LAMB4: variants seen among roughly 807,000 people sequenced by gnomAD.
LAMB4 encodes the protein laminin subunit beta 4.
Under a neutral mutation model 199.2 loss-of-function variants are expected in LAMB4, and 196 were observed. The observed-to-expected ratio is 0.98, with a 90% CI of 0.88 to 1.11. The LOEUF is 1.11. LAMB4 is among the 50% of genes least tolerant of loss of function. LAMB4 has a pLI of 0.00. For missense variants in LAMB4, 2,080 were observed against 2,171.2 expected (o/e 0.96, Z 0.83); for synonymous variants, 744 against 770.6 (o/e 0.97, Z 0.57).
At chr7:108,109,555 A>G (rs1411258053) in intron 4 of LAMB4, among the ~76,000 whole-genome samples, 2 of 152,228 alleles carry the variant, frequency 1.3e-5, no homozygotes, top group Non-Finnish European at 2.9e-5. Flanking sequence ...AGAGAGAAAG[A>G]GAGGGTTCAT....
chr7:108,070,042 A>G (rs888982154), intron 17 of LAMB4, among the ~76,000 whole-genome samples, 157 bp from the exon 18 acceptor site: 4 of 152,210 alleles, frequency 2.6e-5, no homozygotes, highest in African/African-American at 9.6e-5. Flanking sequence ...AAGATTTTCA[A>G]TTTATTTAAG....
intron 31 of LAMB4, 50 bp downstream of exon 31, chr7:108,034,158 G>A: frequency 6.3e-7 from 1 of 1,580,358 alleles, no homozygotes; most frequent in Non-Finnish European, 8.7e-7. Context: ...GCACTGTGTT[G>A]TTTTTACCCT....
At chr7:108,025,389 T>TTTTCTTTTCTTTCTTTC (rs1554420521) in intron 33 of LAMB4, among the ~76,000 whole-genome samples, 1 of 91,186 alleles carries the variant, frequency 1.1e-5, no homozygotes, top group East Asian at 2.5e-4. Flanking sequence ...TTTTCTTTTC[T>TTTTCTTTTCTTTCTTTC]TTTCTTTCTT....
At chr7:108,059,199 G>T (rs937357023) in intron 23 of LAMB4, among the ~76,000 whole-genome samples, 13 of 142,580 alleles carry the variant, frequency 9.1e-5, no homozygotes, top group African/African-American at 2.8e-4. Context: ...TCCACCTCCC[G>T]GGTTCACACC....
At chr7:108,023,324 A>C (rs1383310058), downstream of LAMB4, among the ~76,000 whole-genome samples, 2 of 152,230 alleles carry the variant, frequency 1.3e-5, no homozygotes, top group Non-Finnish European at 2.9e-5. Context: ...ATGAAATCAG[A>C]CTCATTTTGA....
chr7:108,071,500 C>T (rs2036534950), intron 17 of LAMB4, among the ~76,000 whole-genome samples: 1 of 152,232 alleles, frequency 6.6e-6, no homozygotes, highest in African/African-American at 2.4e-5. Flanking sequence ...AGTTGCCCCA[C>T]AGGCACTGCA....
intron 31 of LAMB4, 146 bp downstream of exon 31, chr7:108,034,062 A>T: frequency 1.3e-6 from 1 of 796,940 alleles, no homozygotes; most frequent in Non-Finnish European, 2.1e-6. Context: ...CATTAAATAC[A>T]TGCATAATAC....
At chr7:108,100,454 G>A (rs1186195790) in intron 10 of LAMB4, among the ~76,000 whole-genome samples, 3 of 152,114 alleles carry the variant, frequency 2.0e-5, no homozygotes, top group African/African-American at 4.8e-5. Flanking sequence ...ATTTGTTTAG[G>A]TAAACTGGGA....
At chr7:108,085,977 G>T (rs1051060589) in intron 14 of LAMB4, among the ~76,000 whole-genome samples, 3 of 152,208 alleles carry the variant, frequency 2.0e-5, no homozygotes, top group African/African-American at 7.2e-5. Flanking sequence ...AGGTGTTGTA[G>T]GTGCTGTTGT....
intron 14 of LAMB4, among the ~76,000 whole-genome samples, chr7:108,082,777 AC>A (rs2037004342): frequency 6.6e-6 from 1 of 152,214 alleles, no homozygotes. Context: ...CCAAGACAGT[AC>A]ATAAAAACAC....
Position 108,030,924 on chromosome 7 carries a change from G to T in LAMB4, c.4874C>A (p.Ser1625Ter), listed in dbSNP as rs1291205263. 3.7e-6 allele frequency: 6 copies of T among 1,613,798 alleles called. No homozygotes were observed. Among genetic ancestry groups the T allele is most frequent in the Non-Finnish European group, 5.1e-6 (6 of 1,179,900 alleles). ...CAGGGAAAGTCCATCCTCCAGCCCT[G>T]ATCGCTGCTTTGCTAACTCCAGCTC... ...KSELELAKQR[S>*]GLEDGLSLLQ... The change falls in exon 32 of 34, where the codon TCA becomes TAA. Residue 1625 changes from serine (S) to a stop codon, truncating the protein, a stop_gained. Transcript: ENST00000388781. LOFTEE classifies it high-confidence loss of function.
intron 29 of LAMB4, among the ~76,000 whole-genome samples, chr7:108,043,318 T>TA (rs938787892): frequency 5.3e-5 from 8 of 151,658 alleles, no homozygotes; most frequent in Admixed American, 1.3e-4. Flanking sequence ...GAACTTTCCT[T>TA]AAAAAAAACA....
chr7:108,016,138 G>A, the LAMB4 span, among the ~76,000 whole-genome samples: 2 of 152,020 alleles, frequency 1.3e-5, no homozygotes, highest in Non-Finnish European at 2.9e-5. Flanking sequence ...GAGTATAGTC[G>A]CAGGGCACAT....
At chr7:108,125,921 T>G (rs572571674) in intron 1 of LAMB4, among the ~76,000 whole-genome samples, 1 of 152,216 alleles carries the variant, frequency 6.6e-6, no homozygotes, top group South Asian at 2.1e-4. Flanking sequence ...ATAAAGGTCA[T>G]GGTACAAAGA....
chr7:108,102,947 G>T, intron 10 of LAMB4, 97 bp downstream of exon 10: 1 of 1,030,200 alleles, frequency 9.7e-7, no homozygotes, highest in Non-Finnish European at 1.4e-6. Flanking sequence ...GTAGTTTGGA[G>T]ATGCCGTTAA....
rs571344512 is a variant in LAMB4, at chr7:108,103,182, A to G, written c.1042T>C (p.Tyr348His). Residue 348 changes from tyrosine (Y) to histidine (H), a missense_variant, in exon 10 of 34, where the codon TAC (tyrosine) becomes CAC (histidine). Physicochemically the swap from Tyr to His is moderately conservative, Grantham distance 83. Coordinates refer to ENST00000388781, the MANE Select transcript of LAMB4 (RefSeq NM_007356.3). ...CCGCTGAGGCCACCGCTTGCCAGGT[A>G]CGTAGTCATGTCAAAGTGACAGCGG... ...SSRCHFDMTT[Y>H]LASGGLSGGV... 3.9e-5 allele frequency: 63 copies of G among 1,597,916 alleles called. No homozygotes were observed. The South Asian group carries it at 7.0e-4, about 18-fold the overall frequency.
intron 23 of LAMB4, among the ~76,000 whole-genome samples, chr7:108,062,213 C>T (rs2036187289): frequency 6.6e-6 from 1 of 152,158 alleles, no homozygotes; most frequent in Non-Finnish European, 1.5e-5. Flanking sequence ...ATCACACGTG[C>T]ATCTATCTAT....
At position 108,103,251 on chromosome 7, in the gene LAMB4, G is replaced by C; in HGVS notation, c.992-19C>G. The C allele has an allele frequency of 6.5e-7, 1 of 1,531,586 alleles. No homozygotes were observed. The highest frequency in any genetic ancestry group is 1.4e-5 in the African/African-American group (1 of 73,176). The allele number at this position is 1,531,586 out of a possible 1,614,324, so 94.9% of individuals were successfully genotyped here. On this transcript the variant is annotated intron_variant, in intron 9 of 33. Coordinates refer to ENST00000388781, the MANE Select transcript of LAMB4 (RefSeq NM_007356.3). The stretch of plus-strand genomic sequence containing the variant: ...CTGCACGCTGAAAGGAGAAGACAGT[G>C]ACTGAGAGGTAGACTAAGGCCTCGG...
At chr7:108,029,656 G>A (rs752887496) in intron 32 of LAMB4, among the ~76,000 whole-genome samples, 3 of 152,184 alleles carry the variant, frequency 2.0e-5, no homozygotes, top group Non-Finnish European at 4.4e-5. Context: ...AGAGAGAAAT[G>A]AGGTAGGAAG....
Sources: allele counts gnomAD v4.1 joint callset (sites outside exome capture counted in the v4.1 genomes callset), GRCh38; gene constraint gnomAD v4.1.1; transcripts MANE v1.5; gene names NCBI Gene and HGNC (gene_info 2026-07-23, HGNC 2026-07-21).